Variants in IKZF2 observed in about 807,000 individuals in gnomAD.
IKZF2 encodes the protein zinc finger protein Helios.
A neutral mutation model predicts 49.2 loss-of-function variants in IKZF2; 15 were observed. The observed-to-expected ratio is 0.30, with a 90% confidence interval of 0.20 to 0.47. The LOEUF (loss-of-function observed/expected upper bound fraction) is 0.47. Among genes scored for constraint, IKZF2 ranks in the 20% least tolerant of loss-of-function variants. IKZF2 has a pLI of 1.00. For synonymous variants in IKZF2, 227 were observed against 221.4 expected (o/e 1.03, Z -0.23); for missense variants, 567 against 664.6 (o/e 0.85, Z 1.61).
At chr2:213,051,016 T>C (rs1012497688) in intron 5 of IKZF2, among the ~76,000 whole-genome samples, 1 of 152,052 alleles carries the variant, frequency 6.6e-6, no homozygotes, top group Non-Finnish European at 1.5e-5. Context: ...TGCAGTTAGA[T>C]GATGATTCTA....
At chr2:213,128,982 A>G (rs2060375768) in intron 4 of IKZF2, among the ~76,000 whole-genome samples, 2 of 150,524 alleles carry the variant, frequency 1.3e-5, no homozygotes, top group Admixed American at 1.3e-4. Context: ...TTGTTGTACT[A>G]CTCTCTCCCC....
chr2:213,112,390 T>C (rs1008168951), intron 4 of IKZF2, among the ~76,000 whole-genome samples: 1 of 145,622 alleles, frequency 6.9e-6, no homozygotes, highest in African/African-American at 2.7e-5. Flanking sequence ...TGTCTATGTA[T>C]GTCTAAATAC....
At chr2:213,059,511 C>G (rs565587876) in intron 4 of IKZF2, among the ~76,000 whole-genome samples, 2 of 151,416 alleles carry the variant, frequency 1.3e-5, no homozygotes, top group Non-Finnish European at 3.0e-5. Context: ...GTGTTATATT[C>G]CATTCATAAT....
intron 4 of IKZF2, among the ~76,000 whole-genome samples, chr2:213,058,041 T>C (rs919214943): frequency 3.3e-5 from 5 of 152,124 alleles, no homozygotes; most frequent in African/African-American, 1.2e-4. Context: ...TCTTAAGAAG[T>C]CATATCAAAG....
intron 6 of IKZF2, among the ~76,000 whole-genome samples, chr2:213,038,055 T>C (rs1317301164): frequency 6.6e-6 from 1 of 151,776 alleles, no homozygotes; most frequent in African/African-American, 2.4e-5. Context: ...TTGTTTTGTT[T>C]TCTTTTCTTT....
intron 4 of IKZF2, among the ~76,000 whole-genome samples, chr2:213,064,500 T>C (rs13008255): frequency 0.093 from 14,118 of 152,022 alleles, 832 homozygotes; most frequent in African/African-American, 0.16. Flanking sequence ...TTGTATAGCG[T>C]GCACATCATC....
chr2:213,041,553 C>T (rs754606364), intron 6 of IKZF2, among the ~76,000 whole-genome samples: 14 of 152,082 alleles, frequency 9.2e-5, no homozygotes, highest in Non-Finnish European at 1.5e-4. Context: ...CCGCCCACCT[C>T]GGCCTCCCAA....
chr2:213,125,152 A>T (rs1380415669), intron 4 of IKZF2, among the ~76,000 whole-genome samples: 1 of 152,214 alleles, frequency 6.6e-6, no homozygotes, highest in Non-Finnish European at 1.5e-5. Context: ...GAGCAGATAC[A>T]GAAATAAAAG....
At chr2:213,012,420 T>C (rs1181557326) in intron 8 of IKZF2, among the ~76,000 whole-genome samples, 6 of 151,902 alleles carry the variant, frequency 3.9e-5, no homozygotes, top group Non-Finnish European at 8.8e-5. Flanking sequence ...TTTTTCCAAC[T>C]ACATTAGAGT....
At chr2:213,128,687 G>T (rs1285462669) in intron 4 of IKZF2, among the ~76,000 whole-genome samples, 1 of 151,884 alleles carries the variant, frequency 6.6e-6, no homozygotes, top group Non-Finnish European at 1.5e-5. Context: ...GAGTACAGTG[G>T]CATGATCTCA....
At chr2:213,132,088 A>G (rs10932469) in intron 4 of IKZF2, among the ~76,000 whole-genome samples, 8,468 of 152,204 alleles carry the variant, frequency 0.056, 781 homozygotes, top group African/African-American at 0.19. Flanking sequence ...TCCAAGAGAC[A>G]AGCACTAACT....
intron 4 of IKZF2, among the ~76,000 whole-genome samples, chr2:213,060,788 G>A (rs1701606647): frequency 6.6e-6 from 1 of 151,328 alleles, no homozygotes; most frequent in Non-Finnish European, 1.5e-5. Context: ...CAGTTGTAAT[G>A]GCACTTCTAT....
At position 213,150,148 on chromosome 2, in the gene IKZF2, G is replaced by C; in HGVS notation, c.-20C>G. On this transcript the variant is annotated 5_prime_UTR_variant, in exon 2 of 9. Transcript: ENST00000434687. ...AGAGAAACGAAATGTACATACAAAA[G>C]AAATTGTCCTTTGATTAAAAAAGAT... 7.7e-7 allele frequency: 1 copy of C among 1,300,526 alleles called. No homozygotes were observed. The highest frequency in any genetic ancestry group is 1.0e-6 in the Non-Finnish European group (1 of 985,450). The allele number at this position is 1,300,526 out of a possible 1,614,324, so 80.6% of individuals were successfully genotyped here.
At chr2:213,008,157 T>C (rs2125010364) in intron 8 of IKZF2, 73 bp from the exon 9 acceptor site, 3 of 1,448,798 alleles carry the variant, frequency 2.1e-6, no homozygotes, top group East Asian at 4.9e-5. Flanking sequence ...AGATTAAAAA[T>C]ATGAAAGGGT....
intron 4 of IKZF2, among the ~76,000 whole-genome samples, chr2:213,079,530 G>C (rs1238108649): frequency 6.7e-6 from 1 of 148,530 alleles, no homozygotes; most frequent in East Asian, 2.0e-4. Context: ...AAGGCAGGAA[G>C]GGAGGGAGGG....
At chr2:213,091,997 A>G (rs947384311) in intron 4 of IKZF2, among the ~76,000 whole-genome samples, 2 of 151,232 alleles carry the variant, frequency 1.3e-5, no homozygotes, top group Non-Finnish European at 3.0e-5. Context: ...TAATTTATCT[A>G]TTTTATTTAT....
intron 4 of IKZF2, among the ~76,000 whole-genome samples, chr2:213,085,827 C>T (rs1338238863): frequency 6.6e-6 from 1 of 152,128 alleles, no homozygotes; most frequent in Non-Finnish European, 1.5e-5. Context: ...TCTCCTTTCT[C>T]GATTATCCTT....
chr2:213,075,279 G>A (rs955124010), intron 4 of IKZF2, among the ~76,000 whole-genome samples: 1 of 135,992 alleles, frequency 7.4e-6, no homozygotes, highest in African/African-American at 2.4e-5. Context: ...GGCACATGCT[G>A]TATGTGTTTA....
Position 213,006,171 on chromosome 2 carries a change from C to G in IKZF2, c.*1189G>C, listed in dbSNP as rs1399827724. 1 of 151,876 alleles carries G rather than the reference C, an allele frequency of 6.6e-6. No homozygotes were observed. Among genetic ancestry groups the G allele is most frequent in the Non-Finnish European group, 1.5e-5 (1 of 67,950 alleles). The allele number at this position is 151,876 out of a possible 1,614,324, so 9.4% of individuals were successfully genotyped here. Reference sequence around the variant, plus strand: ...AGGGTTCAAGTTACCAGATTCAGGCCAAATTAGCAATTGCTCTGAGGAGAT... The same window carrying G: ...AGGGTTCAAGTTACCAGATTCAGGCGAAATTAGCAATTGCTCTGAGGAGAT... On this transcript the variant is annotated 3_prime_UTR_variant, in exon 9 of 9. Transcript: ENST00000434687.
Sources: gnomAD v4.1 joint callset for allele counts (sites outside exome capture counted in the v4.1 genomes callset) on GRCh38, gnomAD v4.1.1 for gene constraint, MANE v1.5 for transcripts, NCBI Gene and HGNC (gene_info 2026-07-23, HGNC 2026-07-21) for gene names.